MVB12B: variants seen among roughly 807,000 people sequenced by gnomAD.
MVB12B encodes the protein ESCRT-I complex subunit MVB12B.
A neutral mutation model predicts 41.6 loss-of-function variants in MVB12B; 16 were observed. The ratio of observed to expected loss-of-function variants is 0.38; its 90% CI spans 0.26 to 0.58. The LOEUF is 0.58. Among genes scored for constraint, MVB12B ranks in the 20% least tolerant of loss-of-function variants. The pLI, the probability that MVB12B is intolerant of heterozygous loss-of-function variation, is 0.62. For synonymous variants in MVB12B, 133 were observed against 139.7 expected (o/e 0.95, Z 0.34); for missense variants, 274 against 380.2 (o/e 0.72, Z 2.32).
chr9:126,493,177 G>A (rs4836548), intron 9 of MVB12B, among the ~76,000 whole-genome samples: 60,571 of 151,748 alleles, frequency 0.4, 12,924 homozygotes, highest in East Asian at 0.69. Context: ...ATTCACCCCT[G>A]TTTTCCCTTA....
intron 6 of MVB12B, among the ~76,000 whole-genome samples, chr9:126,421,441 G>A (rs1832015522): frequency 6.6e-6 from 1 of 152,248 alleles, no homozygotes. Flanking sequence ...CTGCGGTGTA[G>A]GAATGGAAGC....
intron 2 of MVB12B, among the ~76,000 whole-genome samples, chr9:126,362,100 A>G (rs1022668990): frequency 6.6e-6 from 1 of 152,008 alleles, no homozygotes. Flanking sequence ...AGTTTTCTTA[A>G]TGTTTATTCT....
intron 9 of MVB12B, among the ~76,000 whole-genome samples, chr9:126,502,073 C>A (rs770804466): frequency 6.6e-6 from 1 of 152,220 alleles, no homozygotes; most frequent in Non-Finnish European, 1.5e-5. Context: ...TGCAGGGGAG[C>A]CCTTCTTATG....
At chr9:126,421,712 G>C in intron 6 of MVB12B, 142 bp from the exon 7 acceptor site, 1 of 681,330 alleles carries the variant, frequency 1.5e-6, no homozygotes, top group Non-Finnish European at 2.7e-6. Context: ...AGTTATGCTT[G>C]ATTGAGAAGG....
rs921943108 is a variant in MVB12B, at chr9:126,376,195, T to C, written c.205-4869T>C. 6.6e-6 allele frequency among the ~76,000 whole-genome samples: 1 copy of C among 152,212 alleles called. No homozygotes were observed. The highest frequency in any genetic ancestry group is 2.4e-5 in the African/African-American group (1 of 41,454). The stretch of plus-strand genomic sequence containing the variant: ...CAGTGTTTACAGTTTCTAATCTCTT[T>C]ATATTGTCCTCAAATTGTTCCTTTT... On this transcript the variant is annotated intron_variant, in intron 2 of 9. Transcript: ENST00000361171. This position sits in a 1 kb window ranked among gnomAD's most constrained non-coding sequence, Gnocchi z 4.1.
intron 2 of MVB12B, among the ~76,000 whole-genome samples, chr9:126,380,718 C>T (rs1830610556): frequency 6.6e-6 from 1 of 152,234 alleles, no homozygotes; most frequent in South Asian, 2.1e-4. Flanking sequence ...CCTTTCTTCA[C>T]CCCGCACCAT....
intron 7 of MVB12B, among the ~76,000 whole-genome samples, chr9:126,461,047 T>C (rs1261860742): frequency 6.6e-6 from 1 of 152,152 alleles, no homozygotes; most frequent in Non-Finnish European, 1.5e-5. Flanking sequence ...TCCCTGTTCT[T>C]CCCAGGCCTT....
chr9:126,409,120 G>GC (rs1564315454), intron 6 of MVB12B, among the ~76,000 whole-genome samples: 1 of 152,096 alleles, frequency 6.6e-6, no homozygotes, highest in Non-Finnish European at 1.5e-5. Flanking sequence ...CATTGTGGGG[G>GC]GGGGCTCAGT....
intron 2 of MVB12B, among the ~76,000 whole-genome samples, chr9:126,345,034 G>A (rs1041937200): frequency 6.6e-6 from 1 of 152,202 alleles, no homozygotes; most frequent in Non-Finnish European, 1.5e-5. Context: ...CATAGCATAT[G>A]GCTTCCCATA....
chr9:126,470,416 C>G (rs1212183641), intron 7 of MVB12B, among the ~76,000 whole-genome samples: 1 of 152,282 alleles, frequency 6.6e-6, no homozygotes, highest in East Asian at 1.9e-4. Flanking sequence ...GGGCAGCTGC[C>G]TTCCCTCTGT....
At position 126,476,514 on chromosome 9, in the gene MVB12B, G is replaced by A. The variant is rs78831403; in HGVS notation, c.758-4855G>A. Among the ~76,000 whole-genome samples, 786 of 152,320 alleles carry A rather than the reference G, an allele frequency of 5.2e-3. 12 individuals are homozygous for A. Among genetic ancestry groups the A allele is most frequent in the African/African-American group, 0.018 (755 of 41,566 alleles). On this transcript the variant is annotated intron_variant, in intron 7 of 9. Transcript: ENST00000361171. Reference sequence around the variant, plus strand: ...TTGTCCTAATCATATGTGGGTGTGTGTATGCATATGCATACGTATGCACTT... The same window carrying A: ...TTGTCCTAATCATATGTGGGTGTGTATATGCATATGCATACGTATGCACTT...
chr9:126,343,234 G>T (rs1829497304), intron 2 of MVB12B, among the ~76,000 whole-genome samples: 1 of 152,224 alleles, frequency 6.6e-6, no homozygotes. Context: ...CTCTGAAAGA[G>T]CCTCGCTTTT....
rs1430723897 is a variant in MVB12B, at chr9:126,478,698, T to A, written c.758-2671T>A. ...CTCTGTCCATTGGAGGCACAGGCAG[T>A]ACTGACAGCCTCTGACTAGGGAGGC... On this transcript the variant is annotated intron_variant, in intron 7 of 9. Coordinates refer to ENST00000361171, the MANE Select transcript of MVB12B (RefSeq NM_033446.3). The surrounding 1 kb of genome is among the most constrained non-coding windows in gnomAD (Gnocchi z 4.2). 6.6e-6 allele frequency among the ~76,000 whole-genome samples: 1 copy of A among 152,188 alleles called. No homozygotes were observed. The highest frequency in any genetic ancestry group is 2.1e-4 in the South Asian group (1 of 4,812).
At chr9:126,342,612 G>A (rs557739537) in intron 2 of MVB12B, among the ~76,000 whole-genome samples, 3 of 152,210 alleles carry the variant, frequency 2.0e-5, no homozygotes, top group Non-Finnish European at 4.4e-5. Context: ...GCTCTGCACG[G>A]CCGAGGTGGA....
chr9:126,336,110 C>G (rs976146419), intron 1 of MVB12B, among the ~76,000 whole-genome samples: 1 of 152,242 alleles, frequency 6.6e-6, no homozygotes, highest in African/African-American at 2.4e-5. Context: ...AGTTGTTGCT[C>G]CCTGAAAGCA....
At chr9:126,370,290 T>G (rs978686003) in intron 2 of MVB12B, among the ~76,000 whole-genome samples, 9 of 152,146 alleles carry the variant, frequency 5.9e-5, no homozygotes, top group African/African-American at 2.4e-5. Flanking sequence ...GTTGGACATT[T>G]GCAGTTTGGT....
intron 2 of MVB12B, among the ~76,000 whole-genome samples, chr9:126,372,015 A>T (rs187012504): frequency 6.6e-6 from 1 of 152,076 alleles, no homozygotes; most frequent in Non-Finnish European, 1.5e-5. Context: ...AGAACGCTCC[A>T]CTCATTAGCC....
At position 126,459,657 on chromosome 9, in the gene MVB12B, G is replaced by A. The variant is rs958812733; in HGVS notation, c.758-21712G>A. On this transcript the variant is annotated intron_variant, in intron 7 of 9. Coordinates refer to ENST00000361171, the MANE Select transcript of MVB12B (RefSeq NM_033446.3). This position sits in a 1 kb window ranked among gnomAD's most constrained non-coding sequence, Gnocchi z 4.3. Reference sequence around the variant, plus strand: ...GCCCAGGTGACTGTGGCATGCCTGCGGGTTTGAGAGTTTTGGAGCAGAAGG... The same window carrying A: ...GCCCAGGTGACTGTGGCATGCCTGCAGGTTTGAGAGTTTTGGAGCAGAAGG... Among the ~76,000 whole-genome samples, 5 of 152,178 alleles carry A rather than the reference G, an allele frequency of 3.3e-5. No individual in the cohort carries two copies. Among genetic ancestry groups the A allele is most frequent in the Admixed American group, 2.0e-4 (3 of 15,270 alleles).
Position 126,468,456 on chromosome 9 carries a change from C to T in MVB12B, c.758-12913C>T, listed in dbSNP as rs117076725. On this transcript the variant is annotated intron_variant, in intron 7 of 9. Coordinates refer to ENST00000361171, the MANE Select transcript of MVB12B (RefSeq NM_033446.3). This position sits in a 1 kb window ranked among gnomAD's most constrained non-coding sequence, Gnocchi z 4.3. ...TGCTTTTCCGCTGGCCCCCACGCCC[C>T]GTCAGTACCTGGCATTTCATTCTCC... Among the ~76,000 whole-genome samples, 918 of 152,350 alleles carry T rather than the reference C, an allele frequency of 6.0e-3. 8 individuals carry two copies. The highest frequency in any genetic ancestry group is 0.051 in the East Asian group (262 of 5,184).
Sources: allele counts gnomAD v4.1 joint callset (sites outside exome capture counted in the v4.1 genomes callset), GRCh38; gene constraint gnomAD v4.1.1; non-coding constraint Gnocchi (gnomAD v3.1); transcripts MANE v1.5; gene names NCBI Gene and HGNC (gene_info 2026-07-23, HGNC 2026-07-21).